The following AGBL1 variants were observed in gnomAD, a reference collection of about 807,000 sequenced individuals.
AGBL1 encodes the protein AGBL carboxypeptidase 1, also known as cytosolic carboxypeptidase 4.
AGBL1 carries 130 observed loss-of-function variants against 118.9 expected under a neutral mutation model. The ratio of observed to expected loss-of-function variants is 1.09; its 90% CI spans 0.95 to 1.26. AGBL1 has a LOEUF of 1.26. Among genes scored for constraint, AGBL1 ranks in the 50% most tolerant of loss-of-function variants. The pLI, the probability that AGBL1 is intolerant of heterozygous loss-of-function variation, is 0.00. For missense variants in AGBL1, 1,584 were observed against 1,298.1 expected (o/e 1.22, Z -3.38); for synonymous variants, 555 against 478.9 (o/e 1.16, Z -2.08).
chr15:86,830,814 C>G (rs2079094907), intron 22 of AGBL1, among the ~76,000 whole-genome samples: 1 of 152,180 alleles, frequency 6.6e-6, no homozygotes, highest in Non-Finnish European at 1.5e-5. Context: ...GGACTCCACC[C>G]ATACCACTAA....
At chr15:86,295,618 A>C (rs1310315923) in intron 17 of AGBL1, 1 of 428,766 alleles carries the variant, frequency 2.3e-6, no homozygotes, top group African/African-American at 2.1e-5. Context: ...AATGAAATGA[A>C]TTCAAACTGT....
At chr15:86,291,621 G>T (rs2079546227) in intron 16 of AGBL1, among the ~76,000 whole-genome samples, 1 of 152,196 alleles carries the variant, frequency 6.6e-6, no homozygotes, top group Non-Finnish European at 1.5e-5. Context: ...AGCTTACTTT[G>T]TCCTAGTAAC....
chr15:86,215,558 A>G (rs376749643), intron 5 of AGBL1, among the ~76,000 whole-genome samples: 1 of 152,166 alleles, frequency 6.6e-6, no homozygotes, highest in African/African-American at 2.4e-5. Flanking sequence ...GTTGGACAGC[A>G]GGTGTTAAGT....
chr15:86,847,928 A>G (rs767868486), intron 22 of AGBL1, among the ~76,000 whole-genome samples: 1 of 152,110 alleles, frequency 6.6e-6, no homozygotes, highest in Admixed American at 6.5e-5. Context: ...TTATTGCTTG[A>G]TCACACTAGG....
chr15:86,650,284 C>A (rs1300253712), intron 21 of AGBL1, among the ~76,000 whole-genome samples: 1 of 152,090 alleles, frequency 6.6e-6, no homozygotes, highest in African/African-American at 2.4e-5. Context: ...GCCATGTGAC[C>A]ATCTTTGGCC....
intron 5 of AGBL1, among the ~76,000 whole-genome samples, chr15:86,180,791 T>C (rs1476213972): frequency 6.6e-6 from 1 of 152,096 alleles, no homozygotes; most frequent in Non-Finnish European, 1.5e-5. Context: ...AAAGTTTTAT[T>C]CTGTATATAC....
intron 23 of AGBL1, among the ~76,000 whole-genome samples, chr15:86,971,150 G>A (rs1487975924): frequency 6.6e-6 from 1 of 152,042 alleles, no homozygotes; most frequent in East Asian, 1.9e-4. Context: ...AGAAGATCAA[G>A]TACCCAAGAT....
At chr15:86,272,414 A>G (rs1359844436) in intron 15 of AGBL1, among the ~76,000 whole-genome samples, 2 of 152,250 alleles carry the variant, frequency 1.3e-5, no homozygotes, top group Non-Finnish European at 2.9e-5. Flanking sequence ...GGTAGAATAT[A>G]TATAATTAAT....
intron 17 of AGBL1, among the ~76,000 whole-genome samples, chr15:86,341,115 C>A (rs1297356999): frequency 6.6e-6 from 1 of 152,206 alleles, no homozygotes; most frequent in East Asian, 1.9e-4. Context: ...AGGTTCCCTA[C>A]CTGGCCTTTT....
intron 5 of AGBL1, among the ~76,000 whole-genome samples, chr15:86,209,508 G>C (rs1401035338): frequency 6.6e-6 from 1 of 152,034 alleles, no homozygotes; most frequent in East Asian, 1.9e-4. Context: ...TCCTCTATTG[G>C]GTGCATATAT....
rs1467042529 is a variant in AGBL1, at chr15:86,907,978, A to G, written c.*684A>G. 6.6e-6 allele frequency: 1 copy of G among 152,180 alleles called. No individual in the cohort carries two copies. The highest frequency in any genetic ancestry group is 2.4e-5 in the African/African-American group (1 of 41,450). 9.4% of individuals were successfully genotyped at this position (152,180 alleles called of 1,614,324 possible). A position where few individuals can be genotyped will look rare whatever the true frequency, so the allele number is the denominator to read the frequency against. On this transcript the variant is annotated 3_prime_UTR_variant, in exon 23 of 23. Coordinates refer to ENST00000614907, the MANE Select transcript of AGBL1 (RefSeq NM_001386094.1). ...AGATTTTAAGATCCTATGTATTCAG[A>G]TCACCAAACATAATGCTAGGAAGTA...
intron 22 of AGBL1, among the ~76,000 whole-genome samples, chr15:86,740,856 A>C (rs1024482826): frequency 6.6e-6 from 1 of 152,130 alleles, no homozygotes; most frequent in African/African-American, 2.4e-5. Context: ...AATACAGCCA[A>C]ATTTTAGGTG....
At chr15:86,216,669 A>G (rs771911610) in intron 5 of AGBL1, among the ~76,000 whole-genome samples, 14 of 152,124 alleles carry the variant, frequency 9.2e-5, no homozygotes, top group Non-Finnish European at 1.9e-4. Context: ...TTTGCTCCAC[A>G]TGGCTTTCTA....
chr15:86,208,356 C>A (rs1176935826), intron 5 of AGBL1, among the ~76,000 whole-genome samples: 1 of 152,130 alleles, frequency 6.6e-6, no homozygotes, highest in African/African-American at 2.4e-5. Context: ...GAGAGGATTG[C>A]CCCTTTTTCT....
At chr15:86,335,279 C>CTAGT (rs1002980123) in intron 17 of AGBL1, among the ~76,000 whole-genome samples, 2 of 152,046 alleles carry the variant, frequency 1.3e-5, no homozygotes, top group Non-Finnish European at 2.9e-5. Context: ...GCTGGGACTA[C>CTAGT]AGGCATGTGC....
At chr15:86,618,600 A>G (rs1230803139) in intron 21 of AGBL1, among the ~76,000 whole-genome samples, 3 of 152,210 alleles carry the variant, frequency 2.0e-5, no homozygotes, top group African/African-American at 7.2e-5. Flanking sequence ...TGCTATGTAA[A>G]TGAATATTTA....
chr15:86,169,244 T>A (rs1204920981), intron 5 of AGBL1, among the ~76,000 whole-genome samples: 1 of 152,196 alleles, frequency 6.6e-6, no homozygotes, highest in African/African-American at 2.4e-5. Context: ...AGGAAAACTC[T>A]GGAGATCTTC....
intron 18 of AGBL1, among the ~76,000 whole-genome samples, chr15:86,400,934 C>T (rs2081436088): frequency 6.6e-6 from 1 of 152,050 alleles, no homozygotes; most frequent in Non-Finnish European, 1.5e-5. Context: ...CATGTGTGTT[C>T]AAGTGACTTT....
intron 5 of AGBL1, among the ~76,000 whole-genome samples, chr15:86,222,342 A>G (rs2078293101): frequency 6.6e-6 from 1 of 152,018 alleles, no homozygotes; most frequent in South Asian, 2.1e-4. Flanking sequence ...TTGTCTAAAC[A>G]CTGCAACTTC....
Sources: allele counts gnomAD v4.1 joint callset (sites outside exome capture counted in the v4.1 genomes callset), GRCh38; gene constraint gnomAD v4.1.1; transcripts MANE v1.5; gene names NCBI Gene and HGNC (gene_info 2026-07-23, HGNC 2026-07-21).